C12orf54: variants seen among roughly 807,000 people sequenced by gnomAD.
The protein encoded by C12orf54 is uncharacterized protein C12orf54.
Under a neutral mutation model 26.4 loss-of-function variants are expected in C12orf54, and 24 were observed. The observed-to-expected ratio is 0.91, with a 90% CI of 0.66 to 1.28. The LOEUF (loss-of-function observed/expected upper bound fraction) is 1.28, where lower values mean the gene tolerates loss of function less well. Ranked by LOEUF, C12orf54 falls within the 50% of genes most tolerant of loss-of-function variation. The pLI, the probability that C12orf54 is intolerant of heterozygous loss-of-function variation, is 0.00. For synonymous variants in C12orf54, 54 were observed against 47.0 expected (o/e 1.15, Z -0.61); for missense variants, 154 against 150.9 (o/e 1.02, Z -0.11).
chr12:48,446,328 A>G, the C12orf54 span, among the ~76,000 whole-genome samples: 1 of 152,228 alleles, frequency 6.6e-6, no homozygotes, highest in Non-Finnish European at 1.5e-5. Flanking sequence ...TTATGCTGTA[A>G]CAACTCCAAA....
At chr12:48,434,088 T>C in the C12orf54 span, among the ~76,000 whole-genome samples, 1 of 152,212 alleles carries the variant, frequency 6.6e-6, no homozygotes, top group Non-Finnish European at 1.5e-5. Context: ...TCCAATGGGC[T>C]TAACAAACGG....
the C12orf54 span, among the ~76,000 whole-genome samples, chr12:48,451,678 G>A: frequency 1.3e-5 from 2 of 152,118 alleles, no homozygotes; most frequent in Non-Finnish European, 2.9e-5. Context: ...AAAATCACTA[G>A]CATTCCTATA....
the C12orf54 span, among the ~76,000 whole-genome samples, chr12:48,420,096 A>G: frequency 1.3e-5 from 2 of 151,416 alleles, no homozygotes; most frequent in South Asian, 4.2e-4. Flanking sequence ...TTTTTTCACT[A>G]CTTTCTCTTA....
At chr12:48,426,185 C>A in the C12orf54 span, among the ~76,000 whole-genome samples, 1 of 151,968 alleles carries the variant, frequency 6.6e-6, no homozygotes, top group East Asian at 1.9e-4. Context: ...ATGGTATTGC[C>A]TAGGTTGTCT....
the C12orf54 span, among the ~76,000 whole-genome samples, chr12:48,416,541 G>T: frequency 5.7e-4 from 87 of 152,142 alleles, no homozygotes; most frequent in Non-Finnish European, 1.5e-5. Context: ...TCACCATTAA[G>T]AGGTGGAGCC....
the C12orf54 span, among the ~76,000 whole-genome samples, chr12:48,471,361 G>T: frequency 1.3e-5 from 2 of 152,062 alleles, no homozygotes; most frequent in African/African-American, 2.4e-5. Flanking sequence ...GGACATTTAG[G>T]TTGCTTCCAA....
At chr12:48,481,927 T>C (rs1954203399), upstream of C12orf54, among the ~76,000 whole-genome samples, 2 of 152,188 alleles carry the variant, frequency 1.3e-5, no homozygotes, top group Admixed American at 1.3e-4. Context: ...TCTAGACATA[T>C]TGGGATATTT....
At chr12:48,436,400 C>G in the C12orf54 span, among the ~76,000 whole-genome samples, 1 of 152,120 alleles carries the variant, frequency 6.6e-6, no homozygotes, top group Non-Finnish European at 1.5e-5. Context: ...TGCTCTGCAC[C>G]AAGCGGACCT....
intron 5 of C12orf54, among the ~76,000 whole-genome samples, chr12:48,490,096 G>C (rs1231158820): frequency 6.6e-6 from 1 of 152,124 alleles, no homozygotes; most frequent in Non-Finnish European, 1.5e-5. Context: ...ACTCAATGAG[G>C]AGTGTAAAAG....
At chr12:48,437,003 T>C in the C12orf54 span, among the ~76,000 whole-genome samples, 25 of 129,160 alleles carry the variant, frequency 1.9e-4, no homozygotes, top group Non-Finnish European at 2.8e-4. Context: ...ATTGATAGAC[T>C]GCTAGCAAGA....
the C12orf54 span, among the ~76,000 whole-genome samples, chr12:48,475,443 C>A: frequency 6.6e-6 from 1 of 152,086 alleles, no homozygotes; most frequent in South Asian, 2.1e-4. Context: ...GATCAAACTA[C>A]TCTGAGCTAC....
At chr12:48,489,033 G>A in intron 5 of C12orf54, 77 bp downstream of exon 5, 2 of 1,381,232 alleles carry the variant, frequency 1.4e-6, no homozygotes, top group Non-Finnish European at 2.1e-6. Flanking sequence ...TTACCCTACT[G>A]AGATGTTGCC....
the C12orf54 span, among the ~76,000 whole-genome samples, chr12:48,432,020 TA>T: frequency 1.3e-5 from 2 of 152,240 alleles, no homozygotes; most frequent in East Asian, 1.9e-4. Context: ...GTGAATGCAA[TA>T]AAAAAATTAT....
intron 5 of C12orf54, chr12:48,489,371 C>T (rs1937733350): frequency 2.6e-5 from 8 of 311,072 alleles, no homozygotes; most frequent in Middle Eastern, 2.2e-3. Flanking sequence ...AGAAATAAAA[C>T]CTCTTCCTCT....
chr12:48,426,160 C>T, the C12orf54 span, among the ~76,000 whole-genome samples: 1 of 151,964 alleles, frequency 6.6e-6, no homozygotes, highest in Non-Finnish European at 1.5e-5. Flanking sequence ...ATCTTTGCCA[C>T]TTCCTATGTC....
At chr12:48,477,101 A>G in the C12orf54 span, among the ~76,000 whole-genome samples, 4 of 152,160 alleles carry the variant, frequency 2.6e-5, no homozygotes, top group Non-Finnish European at 5.9e-5. Flanking sequence ...CTCACTCAAA[A>G]CCACTCAACT....
At chr12:48,465,550 A>G in the C12orf54 span, among the ~76,000 whole-genome samples, 3 of 152,150 alleles carry the variant, frequency 2.0e-5, no homozygotes, top group Non-Finnish European at 4.4e-5. Flanking sequence ...CAACCTAGCA[A>G]TCTCATTACT....
chr12:48,469,510 T>G, the C12orf54 span, among the ~76,000 whole-genome samples: 1 of 150,832 alleles, frequency 6.6e-6, no homozygotes, highest in Non-Finnish European at 1.5e-5. Flanking sequence ...AGATTTCATA[T>G]TATTCAAGCA....
intron 2 of C12orf54, 119 bp downstream of exon 2, chr12:48,483,480 T>C: frequency 2.5e-6 from 2 of 816,212 alleles, no homozygotes; most frequent in Non-Finnish European, 3.9e-6. Context: ...CCTGGCTGAA[T>C]AAGATGGGGA....
Sources: gnomAD v4.1 joint callset for allele counts (sites outside exome capture counted in the v4.1 genomes callset) on GRCh38, gnomAD v4.1.1 for gene constraint, MANE v1.5 for transcripts, NCBI Gene and HGNC (gene_info 2026-07-23, HGNC 2026-07-21) for gene names.